The following ABCC3 variants were observed in gnomAD, a reference collection of about 807,000 sequenced individuals.
ABCC3 encodes the protein ATP-binding cassette sub-family C member 3.
In ABCC3, 121 loss-of-function variants were observed where a neutral mutation model predicts 165.3. The ratio of observed to expected loss-of-function variants is 0.73; its 90% CI spans 0.63 to 0.85. The LOEUF (loss-of-function observed/expected upper bound fraction) is 0.85, where lower values mean the gene tolerates loss of function less well. ABCC3 is among the 40% of genes least tolerant of loss of function. The probability of loss-of-function intolerance (pLI) is 0.00; values close to 1 mark genes in which losing one functional copy is unlikely to be tolerated. For synonymous variants in ABCC3, 733 were observed against 810.1 expected, an observed-to-expected ratio of 0.90 and a Z score of 1.62; for missense variants, 1,869 against 1,964.1, an observed-to-expected ratio of 0.95 and a Z score of 0.92.
chr17:50,652,935 T>C (rs921741028), intron 1 of ABCC3, among the ~76,000 whole-genome samples: 3 of 152,210 alleles, frequency 2.0e-5, no homozygotes, highest in Non-Finnish European at 4.4e-5. Flanking sequence ...CTCCAGTTGC[T>C]ACAAGAGAAC....
chr17:50,643,887 C>T (rs1434258402), intron 1 of ABCC3, among the ~76,000 whole-genome samples: 2 of 152,048 alleles, frequency 1.3e-5, no homozygotes, highest in Admixed American at 1.3e-4. Context: ...TAGGATGTGG[C>T]TTCATGAGCA....
chr17:50,688,979 G>T (rs904964936), intron 30 of ABCC3, among the ~76,000 whole-genome samples: 2 of 151,824 alleles, frequency 1.3e-5, no homozygotes, highest in Non-Finnish European at 2.9e-5. Context: ...GAGGCAGGCA[G>T]ATCATTTGAG....
intron 28 of ABCC3, 62 bp from the exon 29 acceptor site, chr17:50,684,647 G>A (rs1967990214): frequency 6.5e-7 from 1 of 1,531,054 alleles, no homozygotes. Context: ...CCCTGGACCT[G>A]GGGCCTATGG....
intron 1 of ABCC3, among the ~76,000 whole-genome samples, chr17:50,650,465 A>T (rs868573593): frequency 6.6e-6 from 1 of 152,080 alleles, no homozygotes; most frequent in South Asian, 2.1e-4. Flanking sequence ...AACCAGCTTG[A>T]TCACCCATAA....
At chr17:50,655,237 C>T (rs1967204376) in intron 1 of ABCC3, among the ~76,000 whole-genome samples, 2 of 148,950 alleles carry the variant, frequency 1.3e-5, no homozygotes, top group African/African-American at 5.0e-5. Flanking sequence ...GAAACCCCGT[C>T]TCTACTAAAA....
intron 23 of ABCC3, 25 bp from the exon 24 acceptor site, chr17:50,677,719 C>T (rs1967848557): frequency 1.2e-6 from 2 of 1,610,398 alleles, no homozygotes; most frequent in Non-Finnish European, 1.7e-6. Flanking sequence ...TGGCCCTGAC[C>T]CCAAACTCCT....
intron 6 of ABCC3, among the ~76,000 whole-genome samples, chr17:50,658,766 C>A (rs552235686): frequency 1.6e-4 from 25 of 152,376 alleles, no homozygotes; most frequent in Non-Finnish European, 5.9e-5. Flanking sequence ...TGGAAGAAGA[C>A]TGTCATTAGT....
At position 50,669,407 on chromosome 17, in the gene ABCC3, A is replaced by G. The variant is rs1283576523; in HGVS notation, c.2120A>G (p.Glu707Gly). The G allele has an allele frequency of 6.2e-7, 1 of 1,614,234 alleles. No individual in the cohort carries two copies. Among genetic ancestry groups the G allele is most frequent in the Non-Finnish European group, 8.5e-7 (1 of 1,180,030 alleles). ...QAWIQNCTLQ[E>G]NVLFGKALNP... ...TGGATCCAGAACTGCACTCTTCAGG[A>G]AAACGTGCTTTTCGGCAAAGCCCTG... Residue 707 changes from glutamate to glycine, a missense_variant, in exon 17 of 31, where the codon GAA (glutamate) becomes GGA (glycine). By Grantham distance (98) the Glu-to-Gly change is moderately conservative. Coordinates refer to ENST00000285238, the MANE Select transcript of ABCC3 (RefSeq NM_003786.4).
At chr17:50,680,538 A>G (rs1179174646) in intron 26 of ABCC3, among the ~76,000 whole-genome samples, 1 of 151,870 alleles carries the variant, frequency 6.6e-6, no homozygotes, top group Non-Finnish European at 1.5e-5. Flanking sequence ...CAAGTCCCCC[A>G]CTGTCACAGC....
In ABCC3 at chr17:50,635,158, G is replaced by C. The variant is rs2054166784; in HGVS notation, c.45+177G>C. On this transcript the variant is annotated intron_variant, in intron 1 of 30. Coordinates refer to ENST00000285238, the MANE Select transcript of ABCC3 (RefSeq NM_003786.4). ...GGAGGGAGGTTGGCTGCGCCGCCCG[G>C]AGCCGGGTCCCACGCGGTGTCGGGG... is the stretch of plus-strand genomic sequence containing the variant. 3 of 658,482 alleles carry C rather than the reference G, an allele frequency of 4.6e-6. No homozygotes were observed. In the South Asian group the frequency reaches 9.8e-5, roughly 22 times the overall value. 40.8% of individuals were successfully genotyped at this position (658,482 alleles called of 1,614,324 possible).
intron 1 of ABCC3, among the ~76,000 whole-genome samples, chr17:50,649,327 C>T (rs1967065565): frequency 6.6e-6 from 1 of 152,052 alleles, no homozygotes; most frequent in African/African-American, 2.4e-5. Flanking sequence ...ATAGAAACAG[C>T]TTGATTGGCG....
intron 1 of ABCC3, among the ~76,000 whole-genome samples, chr17:50,648,529 T>G (rs1967048706): frequency 6.6e-6 from 1 of 152,142 alleles, no homozygotes; most frequent in African/African-American, 2.4e-5. Flanking sequence ...CCTAAATTGG[T>G]CCCAGAGAAA....
At chr17:50,655,173 C>T (rs1259752630) in intron 1 of ABCC3, among the ~76,000 whole-genome samples, 3 of 150,022 alleles carry the variant, frequency 2.0e-5, no homozygotes, top group South Asian at 2.1e-4. Context: ...TTTCGGAGGC[C>T]GATGCGGGCA....
At chr17:50,647,416 T>C (rs2146594776) in intron 1 of ABCC3, among the ~76,000 whole-genome samples, 1 of 152,192 alleles carries the variant, frequency 6.6e-6, no homozygotes, top group East Asian at 1.9e-4. Flanking sequence ...GTATTGAATA[T>C]GAGGTGGCTG....
intron 25 of ABCC3, chr17:50,679,317 A>C (rs924876554): frequency 1.3e-5 from 2 of 152,872 alleles, no homozygotes; most frequent in Admixed American, 1.3e-4. Flanking sequence ...CAGTGTGCAC[A>C]TGAATCTACT....
intron 1 of ABCC3, among the ~76,000 whole-genome samples, chr17:50,649,716 AGAAG>A (rs757041081): frequency 8.2e-4 from 124 of 151,394 alleles, no homozygotes; most frequent in South Asian, 1.7e-3. Flanking sequence ...AGGGAAAGAA[AGAAG>A]GAAGGAAGGA....
chr17:50,640,163 G>T (rs1336279918), intron 1 of ABCC3, among the ~76,000 whole-genome samples: 7 of 152,232 alleles, frequency 4.6e-5, no homozygotes, highest in Admixed American at 4.6e-4. Context: ...CCTCAGCTCT[G>T]TGAGAATAAT....
At chr17:50,649,455 A>C (rs1190133259) in intron 1 of ABCC3, among the ~76,000 whole-genome samples, 7 of 152,108 alleles carry the variant, frequency 4.6e-5, no homozygotes, top group African/African-American at 9.7e-5. Flanking sequence ...TTTGGCTGAG[A>C]CTTGGCTGCT....
intron 6 of ABCC3, chr17:50,659,033 T>C (rs1350398519): frequency 3.9e-6 from 2 of 519,396 alleles, no homozygotes; most frequent in Non-Finnish European, 6.7e-6. Flanking sequence ...GAGAAGGGGG[T>C]AGTGGTAGGA....
Sources: allele counts gnomAD v4.1 joint callset (sites outside exome capture counted in the v4.1 genomes callset), GRCh38; gene constraint gnomAD v4.1.1; transcripts MANE v1.5; gene names NCBI Gene and HGNC (gene_info 2026-07-23, HGNC 2026-07-21).